The following DNAH6 variants were observed in gnomAD, a reference collection of about 807,000 sequenced individuals.
DNAH6 encodes the protein axonemal beta dynein heavy chain 6.
A neutral mutation model predicts 491.4 loss-of-function variants in DNAH6; 340 were observed. The observed-to-expected ratio is 0.69, with a 90% confidence interval of 0.63 to 0.76. The LOEUF is 0.76. Ranked by LOEUF, DNAH6 falls within the 30% of genes least tolerant of loss-of-function variation. DNAH6 has a pLI of 0.00. For synonymous variants in DNAH6, 1,603 were observed against 1,686.1 expected (o/e 0.95, Z 1.21); for missense variants, 4,443 against 4,972.2 (o/e 0.89, Z 3.20).
At chr2:84,511,787 T>G (rs1310480051), upstream of DNAH6, among the ~76,000 whole-genome samples, 1 of 152,220 alleles carries the variant, frequency 6.6e-6, no homozygotes, top group Non-Finnish European at 1.5e-5. Context: ...TGCTGTCTTT[T>G]TTCCCTCTTC....
At chr2:84,524,029 T>G (rs948698499) in intron 2 of DNAH6, among the ~76,000 whole-genome samples, 1 of 151,962 alleles carries the variant, frequency 6.6e-6, no homozygotes, top group Non-Finnish European at 1.5e-5. Context: ...ATGATCTGTC[T>G]AATACTGTCA....
chr2:84,570,769 C>T (rs112292555), intron 11 of DNAH6, among the ~76,000 whole-genome samples: 2 of 152,182 alleles, frequency 1.3e-5, no homozygotes, highest in East Asian at 1.9e-4. Context: ...GTAGCTGCAA[C>T]CCACTCGGGT....
intron 69 of DNAH6, 63 bp downstream of exon 69, chr2:84,796,488 A>C: frequency 7.3e-7 from 1 of 1,366,540 alleles, no homozygotes; most frequent in Non-Finnish European, 9.7e-7. Context: ...AGCATCTCTC[A>C]GTTTCCCACC....
chr2:84,592,290 G>T (rs1684191688), intron 16 of DNAH6, among the ~76,000 whole-genome samples: 2 of 151,846 alleles, frequency 1.3e-5, no homozygotes, highest in Non-Finnish European at 2.9e-5. Context: ...CAAAGGACTT[G>T]AATGAACATT....
chr2:84,816,644 A>T (rs1680515505), intron 76 of DNAH6, among the ~76,000 whole-genome samples: 1 of 152,180 alleles, frequency 6.6e-6, no homozygotes, highest in Non-Finnish European at 1.5e-5. Context: ...AATCACTTGA[A>T]CCTGGGAGGC....
At chr2:84,628,774 G>A (rs1688113248) in intron 29 of DNAH6, among the ~76,000 whole-genome samples, 1 of 151,972 alleles carries the variant, frequency 6.6e-6, no homozygotes, top group South Asian at 2.1e-4. Flanking sequence ...TTTGATTCAA[G>A]TCAAATGTTC....
chr2:84,619,938 GA>G (rs1402806362), intron 24 of DNAH6, 34 bp downstream of exon 24: 1 of 1,506,968 alleles, frequency 6.6e-7, no homozygotes, highest in Non-Finnish European at 9.0e-7. Flanking sequence ...CTTTATTGAT[GA>G]ACTTTGCTAC....
At chr2:84,721,719 G>A (rs1451781086) in intron 59 of DNAH6, among the ~76,000 whole-genome samples, 1 of 151,680 alleles carries the variant, frequency 6.6e-6, no homozygotes, top group Non-Finnish European at 1.5e-5. Flanking sequence ...TATTTATGTG[G>A]CTCACATTAT....
At position 84,733,448 on chromosome 2, in the gene DNAH6, G is replaced by A. The variant is rs933948898; in HGVS notation, c.10211G>A (p.Arg3404His). Residue 3404 changes from arginine to histidine, a missense_variant, in exon 62 of 77, where the codon CGC (arginine) becomes CAC (histidine). Arg to His is a conservative substitution (Grantham distance 29). Transcript: ENST00000389394. The stretch of plus-strand genomic sequence containing the variant: ...TCATTTTCTGTCTTCAAACAGGAAC[G>A]CCCACCTAAGCCTGAAGCTCCCTGG... ...LRGSAGLEKE[R>H]PPKPEAPWLP... 15 of 1,549,664 alleles carry A rather than the reference G, an allele frequency of 9.7e-6. No homozygotes were observed. The highest frequency in any genetic ancestry group is 4.9e-5 in the East Asian group (2 of 40,912).
rs1463411771 is a variant in DNAH6 at position 84,819,549 on chromosome 2, A to C, written c.*141A>C. On this transcript the variant is annotated 3_prime_UTR_variant, in exon 77 of 77. Coordinates refer to ENST00000389394, the MANE Select transcript of DNAH6 (RefSeq NM_001370.2). ...ACGTATTGTGACTTTTATTTCTCTTATGACCTTAAAATAAAGTGTTTGAGT... is the reference window on the plus strand; with the variant it reads ...ACGTATTGTGACTTTTATTTCTCTTCTGACCTTAAAATAAAGTGTTTGAGT... 1 of 546,162 alleles carries C rather than the reference A, an allele frequency of 1.8e-6. No homozygotes were observed. Among genetic ancestry groups the C allele is most frequent in the East Asian group, 3.2e-5 (1 of 31,432 alleles). The allele number at this position is 546,162 out of a possible 1,614,324, so 33.8% of individuals were successfully genotyped here.
chr2:84,741,203 AGCAGTC>A (rs1672498768), intron 62 of DNAH6, among the ~76,000 whole-genome samples: 2 of 152,152 alleles, frequency 1.3e-5, no homozygotes, highest in South Asian at 4.1e-4. Context: ...GGGTGGCAGC[AGCAGTC>A]ACATCAGCCC....
Position 84,787,239 on chromosome 2 carries a change from C to T in DNAH6, c.11176C>T (p.Leu3726=), listed in dbSNP as rs1677286684. Reference sequence around the variant, plus strand: ...TGACAGTGACAGGGAATGTGCTTTACTGAATCTCAAACTCTATTGTAAAGA... The same window carrying T: ...TGACAGTGACAGGGAATGTGCTTTATTGAATCTCAAACTCTATTGTAAAGA... ...FNDSDRECAL[L]NLKLYCKEGK... Residue 3726 remains leucine (L), a synonymous_variant, in exon 68 of 77, where the codon CTG becomes TTG. Transcript: ENST00000389394. 1.3e-6 allele frequency: 2 copies of T among 1,546,062 alleles called. No individual in the cohort carries two copies. Among genetic ancestry groups the T allele is most frequent in the African/African-American group, 1.4e-5 (1 of 72,950 alleles).
chr2:84,746,795 A>C lies in DNAH6; in HGVS notation c.10512+1546A>C, dbSNP rs192759936. Among the ~76,000 whole-genome samples, 386 of 152,296 alleles carry C rather than the reference A, an allele frequency of 2.5e-3. 1 individual carries two copies. The highest frequency in any genetic ancestry group is 4.4e-3 in the Non-Finnish European group (297 of 68,016). On this transcript the variant is annotated intron_variant, in intron 63 of 76. Transcript: ENST00000389394. Reference sequence around the variant, plus strand: ...CTCACAGTTCTGCGGCTGTACAAGCATGACACCAGCATTTTCTTGGCTTCT... The same window carrying C: ...CTCACAGTTCTGCGGCTGTACAAGCCTGACACCAGCATTTTCTTGGCTTCT...
At chr2:84,719,380 C>T (rs946132274) in intron 59 of DNAH6, among the ~76,000 whole-genome samples, 2 of 152,142 alleles carry the variant, frequency 1.3e-5, no homozygotes, top group African/African-American at 2.4e-5. Context: ...CATGCCAACT[C>T]TTTAAAGAAT....
At chr2:84,549,754 T>C (rs1679138153) in intron 8 of DNAH6, 135 bp from the exon 9 acceptor site, 2 of 652,832 alleles carry the variant, frequency 3.1e-6, no homozygotes, top group African/African-American at 1.8e-5. Flanking sequence ...ATTTCTGATA[T>C]TGTAATATAA....
chr2:84,546,609 T>A (rs560015700), intron 5 of DNAH6, among the ~76,000 whole-genome samples: 22 of 152,288 alleles, frequency 1.4e-4, no homozygotes, highest in African/African-American at 4.8e-4. Context: ...AGTTGGCAAA[T>A]TATGTTGGAT....
chr2:84,570,201 G>C (rs2103912261), intron 11 of DNAH6, among the ~76,000 whole-genome samples: 1 of 152,294 alleles, frequency 6.6e-6, no homozygotes, highest in Admixed American at 6.5e-5. Flanking sequence ...ATGGAGACAT[G>C]TAAAAAAGAC....
intron 20 of DNAH6, among the ~76,000 whole-genome samples, chr2:84,606,676 C>T (rs1558787712): frequency 6.6e-6 from 1 of 152,096 alleles, no homozygotes; most frequent in Middle Eastern, 3.4e-3. Flanking sequence ...TAAAAGTTAC[C>T]TAATAGTGAA....
At chr2:84,608,266 A>G (rs1271714966) in intron 21 of DNAH6, among the ~76,000 whole-genome samples, 1 of 5,782 alleles carries the variant, frequency 1.7e-4, no homozygotes, top group Non-Finnish European at 1.2e-3. Flanking sequence ...GTTGGAGTCA[A>G]CTTCTTCCAA....
Sources: gnomAD v4.1 joint callset for allele counts (sites outside exome capture counted in the v4.1 genomes callset) on GRCh38, gnomAD v4.1.1 for gene constraint, MANE v1.5 for transcripts, NCBI Gene and HGNC (gene_info 2026-07-23, HGNC 2026-07-21) for gene names.